The following TENM3 variants were observed in gnomAD, a reference collection of about 807,000 sequenced individuals.
TENM3 encodes the protein teneurin transmembrane protein 3, also known as teneurin-3.
In TENM3, 63 loss-of-function variants were observed where a neutral mutation model predicts 255.1. The ratio of observed to expected loss-of-function variants is 0.25; its 90% confidence interval spans 0.20 to 0.30. The LOEUF is 0.30. Ranked by LOEUF, TENM3 falls within the 10% of genes least tolerant of loss-of-function variation. TENM3 has a pLI of 1.00. For synonymous variants in TENM3, 1,306 were observed against 1,322.3 expected (o/e 0.99, Z 0.27); for missense variants, 2,929 against 3,461.1 (o/e 0.85, Z 3.86).
intron 3 of TENM3, among the ~76,000 whole-genome samples, chr4:182,410,164 T>G (rs1561417864): frequency 6.6e-6 from 1 of 152,234 alleles, no homozygotes; most frequent in Non-Finnish European, 1.5e-5. Flanking sequence ...GGGATCACGT[T>G]CTTCTATTTT....
the TENM3 span, among the ~76,000 whole-genome samples, chr4:181,702,007 G>A: frequency 6.6e-6 from 1 of 152,256 alleles, no homozygotes; most frequent in South Asian, 2.1e-4. Flanking sequence ...CTAGGTCCGT[G>A]CCATCCACCC....
At chr4:182,141,601 CAT>C (rs1213191730), upstream of TENM3, 1 of 152,172 alleles carries the variant, frequency 6.6e-6, no homozygotes, top group Non-Finnish European at 1.5e-5. Flanking sequence ...CGACGCCTGG[CAT>C]AGAGTGCGCA....
chr4:181,496,466 T>G, the TENM3 span, among the ~76,000 whole-genome samples: 1 of 152,240 alleles, frequency 6.6e-6, no homozygotes, highest in Non-Finnish European at 1.5e-5. Context: ...CACATTTAAC[T>G]AAACATTTAC....
intron 1 of TENM3, among the ~76,000 whole-genome samples, chr4:182,244,166 G>A (rs1419088666): frequency 6.6e-6 from 1 of 151,472 alleles, no homozygotes; most frequent in African/African-American, 2.4e-5. Flanking sequence ...TTTTAGCCGG[G>A]ATGGTCTCGA....
chr4:182,495,126 C>A (rs1184598166), intron 3 of TENM3, among the ~76,000 whole-genome samples: 1 of 152,208 alleles, frequency 6.6e-6, no homozygotes, highest in African/African-American at 2.4e-5. Context: ...CGCCTTCCTC[C>A]TTTAAGACAA....
intron 2 of TENM3, among the ~76,000 whole-genome samples, chr4:182,333,642 G>A (rs1386288701): frequency 6.6e-6 from 1 of 152,054 alleles, no homozygotes; most frequent in Non-Finnish European, 1.5e-5. Context: ...GAGATTCTAG[G>A]ACATTTCAGT....
chr4:182,482,643 A>G (rs1479491164), intron 3 of TENM3, among the ~76,000 whole-genome samples: 3 of 152,210 alleles, frequency 2.0e-5, no homozygotes, highest in East Asian at 1.9e-4. Flanking sequence ...AACCTGTGAA[A>G]ATGTCTACAC....
rs975156504 is a variant in TENM3 at position 182,789,947 on chromosome 4, T to G, written c.5601+558T>G. Among the ~76,000 whole-genome samples the G allele has an allele frequency of 6.6e-6, 1 of 152,194 alleles. No homozygotes were observed. Among genetic ancestry groups the G allele is most frequent in the Non-Finnish European group, 1.5e-5 (1 of 68,036 alleles). The stretch of plus-strand genomic sequence containing the variant: ...AAAAGGTAAGCCTCCTAGATTAGGC[T>G]GTTTTCCATTCTTGAGAACTATGCA... On this transcript the variant is annotated intron_variant, in intron 25 of 27. Transcript: ENST00000511685. The surrounding 1 kb of genome is among the most constrained non-coding windows in gnomAD (Gnocchi z 4.4).
the TENM3 span, among the ~76,000 whole-genome samples, chr4:181,833,542 G>T: frequency 6.6e-6 from 1 of 152,224 alleles, no homozygotes; most frequent in East Asian, 1.9e-4. Flanking sequence ...TCATTTCCAA[G>T]GCTACTCAGG....
the TENM3 span, among the ~76,000 whole-genome samples, chr4:181,581,889 T>A: frequency 6.6e-6 from 1 of 152,002 alleles, no homozygotes; most frequent in Non-Finnish European, 1.5e-5. Context: ...CCCACCGCCA[T>A]GCCCAGCTAA....
At chr4:181,552,359 C>T in the TENM3 span, among the ~76,000 whole-genome samples, 1 of 152,286 alleles carries the variant, frequency 6.6e-6, no homozygotes, top group East Asian at 1.9e-4. Context: ...GTTTTATAAG[C>T]ATTTCCTGTG....
chr4:182,052,508 G>T, the TENM3 span, among the ~76,000 whole-genome samples: 1 of 152,126 alleles, frequency 6.6e-6, no homozygotes, highest in African/African-American at 2.4e-5. Context: ...GCCACCAATA[G>T]CTGCCTGCTT....
the TENM3 span, among the ~76,000 whole-genome samples, chr4:181,910,726 C>A: frequency 1.3e-5 from 2 of 151,582 alleles, no homozygotes; most frequent in Non-Finnish European, 2.9e-5. Context: ...ATCCACCTGC[C>A]TCAGCCCCCC....
chr4:182,538,830 C>T (rs544651743), intron 3 of TENM3, among the ~76,000 whole-genome samples: 43 of 152,060 alleles, frequency 2.8e-4, no homozygotes, highest in African/African-American at 1.0e-3. Context: ...GAAAGGATGG[C>T]TGGTGGTACC....
At chr4:181,774,837 G>A in the TENM3 span, among the ~76,000 whole-genome samples, 1 of 113,966 alleles carries the variant, frequency 8.8e-6, no homozygotes, top group Non-Finnish European at 1.7e-5. Context: ...GTCTGTTCAT[G>A]TCCTTCGCCC....
At chr4:181,939,755 G>A in the TENM3 span, among the ~76,000 whole-genome samples, 2 of 152,338 alleles carry the variant, frequency 1.3e-5, no homozygotes, top group African/African-American at 2.4e-5. Flanking sequence ...GGAGAATACC[G>A]CTTGATGAGA....
the TENM3 span, among the ~76,000 whole-genome samples, chr4:181,929,099 A>G: frequency 3.3e-5 from 5 of 152,196 alleles, no homozygotes; most frequent in Non-Finnish European, 5.9e-5. Context: ...GACCGTCGAC[A>G]CTATGAAGAA....
the TENM3 span, among the ~76,000 whole-genome samples, chr4:181,607,518 G>A: frequency 4.6e-5 from 7 of 151,460 alleles, no homozygotes; most frequent in South Asian, 2.1e-4. Context: ...GGCTTCAAAC[G>A]GTTCTCCTGC....
the TENM3 span, among the ~76,000 whole-genome samples, chr4:181,771,649 A>G: frequency 3.3e-5 from 5 of 152,348 alleles, no homozygotes; most frequent in East Asian, 9.7e-4. Flanking sequence ...CCCAAGAGTT[A>G]TTTAGTATAA....
Sources: gnomAD v4.1 joint callset for allele counts (sites outside exome capture counted in the v4.1 genomes callset) on GRCh38, gnomAD v4.1.1 for gene constraint, Gnocchi (gnomAD v3.1) non-coding constraint, MANE v1.5 for transcripts, NCBI Gene and HGNC (gene_info 2026-07-23, HGNC 2026-07-21) for gene names.